Variants in NOTCH2 observed in about 807,000 individuals in gnomAD.
The protein encoded by NOTCH2 is neurogenic locus notch homolog protein 2.
A neutral mutation model predicts 235.8 loss-of-function variants in NOTCH2; 29 were observed. The ratio of observed to expected loss-of-function variants is 0.12; its 90% CI spans 0.09 to 0.17. The LOEUF is 0.17. Among genes scored for constraint, NOTCH2 ranks in the 10% least tolerant of loss-of-function variants. The pLI, the probability that NOTCH2 is intolerant of heterozygous loss-of-function variation, is 1.00. For synonymous variants in NOTCH2, 1,086 were observed against 1,141.5 expected, an observed-to-expected ratio of 0.95 and a Z score of 0.98; for missense variants, 2,285 against 3,150.2, an observed-to-expected ratio of 0.73 and a Z score of 6.57.
chr1:120,040,756 G>A (rs1243896664), intron 1 of NOTCH2, among the ~76,000 whole-genome samples: 267 of 149,282 alleles, frequency 1.8e-3, no homozygotes, highest in African/African-American at 6.3e-3. Context: ...AGCCCTAAAC[G>A]GCCAGGCGCG....
intron 5 of NOTCH2, among the ~76,000 whole-genome samples, chr1:119,971,657 G>A (rs977237705): frequency 3.3e-5 from 5 of 152,152 alleles, no homozygotes; most frequent in Admixed American, 6.5e-5. Flanking sequence ...GCTGAAGTAG[G>A]AGAATCACTT....
In NOTCH2 at chr1:119,969,553, G is replaced by A. The variant is rs782349821; in HGVS notation, c.1066C>T (p.Arg356Cys). The A allele has an allele frequency of 6.2e-7, 1 of 1,613,992 alleles. No individual in the cohort carries two copies. Among genetic ancestry groups the A allele is most frequent in the East Asian group, 2.2e-5 (1 of 44,832 alleles). Residue 356 changes from arginine (R) to cysteine (C), a missense_variant, in exon 6 of 34, where the codon CGT becomes TGT. Arg to Cys is a radical substitution (Grantham distance 180). Transcript: ENST00000256646. Reference sequence around the variant, plus strand: ...CACATGCAAGAGAAGGAGGCCACACGGTCGATGCAGGTGGAGCCTGGAGTA... The same window carrying A: ...CACATGCAAGAGAAGGAGGCCACACAGTCGATGCAGGTGGAGCCTGGAGTA... ...SCTPGSTCID[R>C]VASFSCMCPE...
chr1:119,984,977 C>G (rs181203867), intron 5 of NOTCH2, among the ~76,000 whole-genome samples: 1 of 151,794 alleles, frequency 6.6e-6, no homozygotes, highest in Admixed American at 6.6e-5. Context: ...AGAAGGAAAC[C>G]CTAGAGAAAA....
rs1230529134 is a variant in NOTCH2, at chr1:119,999,941, AAGAAAG to A, written c.416-2615_416-2610del. Among the ~76,000 whole-genome samples the A allele has an allele frequency of 8.4e-4, 95 of 112,890 alleles. No individual in the cohort carries two copies. The East Asian group carries it at 0.018, about 22-fold the overall frequency. 74.1% of individuals were successfully genotyped at this position (112,890 alleles called of 152,430 possible). ...AGAGAAAGAAAGAAAGAAAGAAAGA[AAGAAAG>A]AAAGAAAGAAAGAAAGAAAGAAAGA... On this transcript the variant is annotated intron_variant, in intron 3 of 33. Coordinates refer to ENST00000256646, the MANE Select transcript of NOTCH2 (RefSeq NM_024408.4).
intron 5 of NOTCH2, among the ~76,000 whole-genome samples, chr1:119,986,682 C>T (rs1278478445): frequency 6.6e-6 from 1 of 152,168 alleles, no homozygotes; most frequent in Non-Finnish European, 1.5e-5. Context: ...AATAAGCTTA[C>T]AGTAGTGCTC....
At chr1:120,066,505 C>G (rs1319976984) in intron 1 of NOTCH2, among the ~76,000 whole-genome samples, 5 of 149,264 alleles carry the variant, frequency 3.3e-5, no homozygotes, top group African/African-American at 1.3e-4. Context: ...AGAGTGGGAA[C>G]TAGATCAATG....
chr1:119,923,253 C>G (rs149981756), intron 26 of NOTCH2, among the ~76,000 whole-genome samples: 64 of 152,246 alleles, frequency 4.2e-4, no homozygotes, highest in Non-Finnish European at 1.5e-4. Flanking sequence ...GTGTGAATGA[C>G]AGAGCAACTG....
At chr1:120,001,014 C>T (rs1570734060) in intron 3 of NOTCH2, among the ~76,000 whole-genome samples, 1 of 152,024 alleles carries the variant, frequency 6.6e-6, no homozygotes, top group African/African-American at 2.4e-5. Flanking sequence ...GTGCTATTCT[C>T]ATGATAGTGA....
intron 2 of NOTCH2, among the ~76,000 whole-genome samples, chr1:120,022,848 T>C (rs587646095): frequency 9.2e-5 from 14 of 152,242 alleles, no homozygotes; most frequent in Admixed American, 9.2e-4. Context: ...TTAAAACAGG[T>C]AATTCTGTCC....
intron 2 of NOTCH2, among the ~76,000 whole-genome samples, chr1:120,025,369 C>T (rs1653801739): frequency 6.6e-6 from 1 of 152,070 alleles, no homozygotes; most frequent in South Asian, 2.1e-4. Context: ...GCTTGGTAGG[C>T]CCCTCACACT....
chr1:120,040,980 G>C (rs1379050567), intron 1 of NOTCH2, among the ~76,000 whole-genome samples: 1 of 131,058 alleles, frequency 7.6e-6, no homozygotes, highest in Non-Finnish European at 1.5e-5. Flanking sequence ...GGCGGAGCTT[G>C]CAATGAGCCG....
chr1:119,928,462 A>G (rs1402253598), intron 23 of NOTCH2, among the ~76,000 whole-genome samples: 1 of 152,228 alleles, frequency 6.6e-6, no homozygotes, highest in Admixed American at 6.5e-5. Flanking sequence ...TCAAGCCATC[A>G]CATGTCAAAG....
chr1:119,948,368 T>C, intron 17 of NOTCH2, 46 bp downstream of exon 17: 1 of 1,611,730 alleles, frequency 6.2e-7, no homozygotes, highest in Non-Finnish European at 8.5e-7. Context: ...GCTCCCTGTG[T>C]GTTTTCCTCT....
chr1:120,041,886 A>G (rs1176764545), intron 1 of NOTCH2, among the ~76,000 whole-genome samples: 2 of 141,348 alleles, frequency 1.4e-5, no homozygotes, highest in African/African-American at 5.7e-5. Flanking sequence ...AAGAAAGAAA[A>G]AAAGAAAAGA....
chr1:119,929,369 T>C (rs1024156686), intron 22 of NOTCH2, among the ~76,000 whole-genome samples, 157 bp from the exon 23 acceptor site: 2 of 152,162 alleles, frequency 1.3e-5, no homozygotes, highest in Non-Finnish European at 2.9e-5. Context: ...GCACACTCTT[T>C]ATTCATGACA....
At chr1:119,981,680 T>A (rs587772218) in intron 5 of NOTCH2, among the ~76,000 whole-genome samples, 173 of 152,236 alleles carry the variant, frequency 1.1e-3, no homozygotes, top group Non-Finnish European at 1.9e-3. Context: ...TAATCAACTC[T>A]GGGACATCTG....
intron 11 of NOTCH2, among the ~76,000 whole-genome samples, chr1:119,961,587 G>C (rs1320429681): frequency 3.3e-5 from 5 of 152,122 alleles, no homozygotes; most frequent in Admixed American, 2.0e-4. Flanking sequence ...AGAGGCTCTG[G>C]GTGCTTTCGC....
At position 119,911,877 on chromosome 1, in the gene NOTCH2, T is replaced by G. The variant is rs1648905281; in HGVS notation, c.*3429A>C. 1 of 233,096 alleles carries G rather than the reference T, an allele frequency of 4.3e-6. No individual in the cohort carries two copies. The highest frequency in any genetic ancestry group is 1.8e-4 in the South Asian group (1 of 5,520). 14.4% of individuals were successfully genotyped at this position (233,096 alleles called of 1,614,324 possible). On this transcript the variant is annotated 3_prime_UTR_variant, in exon 34 of 34. Coordinates refer to ENST00000256646, the MANE Select transcript of NOTCH2 (RefSeq NM_024408.4). ...TGATGTTTCCTATTTGACAGATGCT[T>G]TTTCCCCAGGATCATTTATTTATGA...
chr1:119,917,437 T>C (rs374193139), intron 33 of NOTCH2, among the ~76,000 whole-genome samples: 67 of 152,236 alleles, frequency 4.4e-4, no homozygotes, highest in African/African-American at 1.6e-3. Context: ...AAGCTATCTA[T>C]AGCCAGCCTA....
Sources: allele counts gnomAD v4.1 joint callset (sites outside exome capture counted in the v4.1 genomes callset), GRCh38; gene constraint gnomAD v4.1.1; transcripts MANE v1.5; gene names NCBI Gene and HGNC (gene_info 2026-07-23, HGNC 2026-07-21).